WWOX: variants seen among roughly 807,000 people sequenced by gnomAD.
The protein encoded by WWOX is WW domain containing oxidoreductase, also known as WW domain-containing oxidoreductase.
A neutral mutation model predicts 46.2 loss-of-function variants in WWOX; 69 were observed. The ratio of observed to expected loss-of-function variants is 1.49; its 90% CI spans 1.23 to 1.82. WWOX has a LOEUF of 1.82. Ranked by LOEUF, WWOX falls within the 40% of genes most tolerant of loss-of-function variation. The pLI is 0.00. For missense variants in WWOX, 919 were observed against 542.6 expected, an observed-to-expected ratio of 1.69 and a Z score of -6.89; for synonymous variants, 359 against 202.6, an observed-to-expected ratio of 1.77 and a Z score of -6.56.
At chr16:78,866,704 C>G (rs537871101) in intron 8 of WWOX, among the ~76,000 whole-genome samples, 7 of 152,160 alleles carry the variant, frequency 4.6e-5, no homozygotes, top group Non-Finnish European at 1.0e-4. Context: ...TGGCAGAGCA[C>G]GCAAATCAAG....
chr16:78,416,856 G>A (rs1312887688), intron 6 of WWOX, among the ~76,000 whole-genome samples: 1 of 152,208 alleles, frequency 6.6e-6, no homozygotes, highest in African/African-American at 2.4e-5. Context: ...CATGGGAGGA[G>A]TATATTTAGT....
chr16:78,867,221 C>G (rs1399633759), intron 8 of WWOX, among the ~76,000 whole-genome samples: 1 of 152,072 alleles, frequency 6.6e-6, no homozygotes, highest in Non-Finnish European at 1.5e-5. Flanking sequence ...TGGGGGAGTG[C>G]AAGAAGTTTA....
intron 8 of WWOX, among the ~76,000 whole-genome samples, chr16:78,770,451 C>A (rs767714781): frequency 2.6e-5 from 4 of 152,196 alleles, no homozygotes; most frequent in Non-Finnish European, 5.9e-5. Context: ...AAGAGCAAAT[C>A]TGGGGTCCCC....
rs145009066 is a variant in WWOX, at chr16:78,103,562, C to G, written c.107+3677C>G. On this transcript the variant is annotated intron_variant, in intron 1 of 8. Coordinates refer to ENST00000566780, the MANE Select transcript of WWOX (RefSeq NM_016373.4). ...TAGCTTAGGATGCCTCTGATCCATCCTAACCCGACATTCCCTTGATCTCTC... is the reference window on the plus strand; with the variant it reads ...TAGCTTAGGATGCCTCTGATCCATCGTAACCCGACATTCCCTTGATCTCTC... Among the ~76,000 whole-genome samples the G allele has an allele frequency of 7.8e-4, 119 of 152,228 alleles. 1 individual carries two copies. The highest frequency in any genetic ancestry group is 2.7e-3 in the African/African-American group (114 of 41,560).
Position 78,597,116 on chromosome 16 carries a change from C to A in WWOX, c.1056+164364C>A, listed in dbSNP as rs112606257. ...GGTGCTAGTATCTTTGTGAAAACTG[C>A]TCCTGACCTATTGCTTTGTTTATTT... On this transcript the variant is annotated intron_variant, in intron 8 of 8. Transcript: ENST00000566780. Among the ~76,000 whole-genome samples the A allele has an allele frequency of 3.4e-4, 52 of 152,314 alleles. 1 individual carries two copies. Among genetic ancestry groups the A allele is most frequent in the African/African-American group, 1.2e-3 (51 of 41,572 alleles).
intron 8 of WWOX, among the ~76,000 whole-genome samples, chr16:78,540,271 G>A (rs2043860304): frequency 6.6e-6 from 1 of 151,924 alleles, no homozygotes; most frequent in Non-Finnish European, 1.5e-5. Context: ...AAGAACCCAG[G>A]TGCTTTTTAT....
chr16:78,348,443 A>G (rs982339302), intron 5 of WWOX, among the ~76,000 whole-genome samples: 1 of 121,178 alleles, frequency 8.3e-6, no homozygotes, highest in Admixed American at 8.0e-5. Context: ...AGCTCGATAC[A>G]TATACTGATG....
chr16:78,480,295 G>C (rs1255840635), intron 8 of WWOX, among the ~76,000 whole-genome samples: 1 of 152,206 alleles, frequency 6.6e-6, no homozygotes, highest in Non-Finnish European at 1.5e-5. Flanking sequence ...GGATACATCT[G>C]CTTTAAAGCA....
intron 6 of WWOX, among the ~76,000 whole-genome samples, chr16:78,393,755 T>C (rs1028889873): frequency 6.6e-6 from 1 of 152,156 alleles, no homozygotes; most frequent in African/African-American, 2.4e-5. Context: ...TTTTTATGTC[T>C]CTTCTGAACT....
At chr16:78,379,373 C>T (rs534154221) in intron 5 of WWOX, among the ~76,000 whole-genome samples, 2 of 152,002 alleles carry the variant, frequency 1.3e-5, no homozygotes, top group South Asian at 4.2e-4. Flanking sequence ...GAGTAGTCCC[C>T]CAGTTAAAAG....
chr16:79,141,227 C>T (rs567814870), intron 8 of WWOX, among the ~76,000 whole-genome samples: 9 of 152,306 alleles, frequency 5.9e-5, no homozygotes, highest in African/African-American at 1.7e-4. Flanking sequence ...CTGGAAGCCC[C>T]CTCCTCATTT....
intron 8 of WWOX, among the ~76,000 whole-genome samples, chr16:79,052,905 T>C (rs2048195691): frequency 7.2e-6 from 1 of 139,786 alleles, no homozygotes. Flanking sequence ...GCAATCGATC[T>C]GAAATTGACA....
At chr16:78,310,695 C>A (rs1597466183) in intron 5 of WWOX, among the ~76,000 whole-genome samples, 1 of 152,206 alleles carries the variant, frequency 6.6e-6, no homozygotes, top group Non-Finnish European at 1.5e-5. Context: ...AAACCTTGCT[C>A]TAGAGATTTG....
chr16:78,881,893 T>C lies in WWOX; in HGVS notation c.1057-329715T>C, dbSNP rs544706915. 3.9e-5 allele frequency among the ~76,000 whole-genome samples: 6 copies of C among 152,182 alleles called. No individual in the cohort carries two copies. In the South Asian group the frequency reaches 1.2e-3, roughly 32 times the overall value. ...ATCCCAGCACTTTGGTAGGCCGAGG[T>C]AGGTGGATCACTTGAGGTCAGGAGT... On this transcript the variant is annotated intron_variant, in intron 8 of 8. Transcript: ENST00000566780.
At chr16:78,899,521 A>C (rs1462929129) in intron 8 of WWOX, 1 of 152,166 alleles carries the variant, frequency 6.6e-6, no homozygotes, top group Non-Finnish European at 1.5e-5. Context: ...TTATTATTTT[A>C]ATATTACAGC....
chr16:78,735,426 C>CACACACACACACACACACACAA (rs57609552), intron 8 of WWOX, among the ~76,000 whole-genome samples: 129 of 150,298 alleles, frequency 8.6e-4, no homozygotes, highest in Middle Eastern at 6.8e-3. Flanking sequence ...CACACACACA[C>CACACACACACACACACACACAA]TAATATGGTT....
At chr16:78,708,335 G>A (rs780683862) in intron 8 of WWOX, among the ~76,000 whole-genome samples, 1 of 152,066 alleles carries the variant, frequency 6.6e-6, no homozygotes, top group Non-Finnish European at 1.5e-5. Flanking sequence ...GAAATGATTT[G>A]TTGTTTATGT....
intron 8 of WWOX, among the ~76,000 whole-genome samples, chr16:78,914,079 C>T (rs111930600): frequency 6.6e-6 from 1 of 152,030 alleles, no homozygotes; most frequent in Admixed American, 6.6e-5. Context: ...TGGAGTATGA[C>T]AGTATCATTC....
intron 8 of WWOX, among the ~76,000 whole-genome samples, chr16:79,023,531 T>A (rs7199119): frequency 0.71 from 108,192 of 152,042 alleles, 38,781 homozygotes; most frequent in East Asian, 0.94. Context: ...GGGGCGTCCT[T>A]TAAGGTCTGA....
Sources: gnomAD v4.1 joint callset for allele counts (sites outside exome capture counted in the v4.1 genomes callset) on GRCh38, gnomAD v4.1.1 for gene constraint, MANE v1.5 for transcripts, NCBI Gene and HGNC (gene_info 2026-07-23, HGNC 2026-07-21) for gene names.